TULP4: variants seen among roughly 807,000 people sequenced by gnomAD.
TULP4 encodes the protein tubby-related protein 4.
TULP4 carries 16 observed loss-of-function variants against 129.0 expected under a neutral mutation model. The observed-to-expected ratio is 0.12, with a 90% CI of 0.08 to 0.19. The LOEUF (loss-of-function observed/expected upper bound fraction) is 0.19. TULP4 is among the 10% of genes least tolerant of loss of function. The pLI, the probability that TULP4 is intolerant of heterozygous loss-of-function variation, is 1.00. For synonymous variants in TULP4, 998 were observed against 854.0 expected, an observed-to-expected ratio of 1.17 and a Z score of -2.94; for missense variants, 1,842 against 2,059.1, an observed-to-expected ratio of 0.89 and a Z score of 2.04.
At chr6:158,311,672 C>CT (rs1158504861), upstream of TULP4, among the ~76,000 whole-genome samples, 3 of 152,140 alleles carry the variant, frequency 2.0e-5, no homozygotes, top group Non-Finnish European at 4.4e-5. Flanking sequence ...TTTCAGTCTC[C>CT]TTTTTGAGGA....
At chr6:158,359,138 A>G (rs1000592715) in intron 1 of TULP4, among the ~76,000 whole-genome samples, 1 of 152,218 alleles carries the variant, frequency 6.6e-6, no homozygotes, top group East Asian at 1.9e-4. Flanking sequence ...GTGACTTTCT[A>G]TGCCAGCCAC....
At chr6:158,427,557 G>A (rs1562562133) in intron 2 of TULP4, among the ~76,000 whole-genome samples, 1 of 125,694 alleles carries the variant, frequency 8.0e-6, no homozygotes, top group African/African-American at 3.1e-5. Flanking sequence ...GCAGTGGCAT[G>A]ATCTCGTCTC....
Position 158,493,486 on chromosome 6 carries a change from C to G in TULP4, c.1632-87C>G. 1 of 1,345,192 alleles carries G rather than the reference C, an allele frequency of 7.4e-7. No individual in the cohort carries two copies. The allele number at this position is 1,345,192 out of a possible 1,614,324, so 83.3% of individuals were successfully genotyped here. ...AGAACCCAACACCCAGGCTGGCTGT[C>G]CAGAAAAAGAAAGGACTGCTGGAGT... On this transcript the variant is annotated intron_variant, in intron 9 of 13. Coordinates refer to ENST00000367097, the MANE Select transcript of TULP4 (RefSeq NM_020245.5). This position sits in a 1 kb window ranked among gnomAD's most constrained non-coding sequence, Gnocchi z 4.4.
chr6:158,237,683 T>G (rs1447238657), intron 1 of TULP4: 2 of 1,132,780 alleles, frequency 1.8e-6, no homozygotes, highest in Non-Finnish European at 2.7e-6. Flanking sequence ...CCCTTCTTTT[T>G]CTTTTTCAAA....
chr6:158,297,389 A>C (rs997005331), intron 1 of TULP4, among the ~76,000 whole-genome samples: 1 of 151,984 alleles, frequency 6.6e-6, no homozygotes, highest in African/African-American at 2.4e-5. Flanking sequence ...TCAAACACAC[A>C]TGTTTTACAA....
chr6:158,292,623 A>C (rs1425129216), intron 1 of TULP4, among the ~76,000 whole-genome samples: 1 of 152,072 alleles, frequency 6.6e-6, no homozygotes, highest in Non-Finnish European at 1.5e-5. Context: ...TCTACCATAT[A>C]ATTATTAGTG....
At chr6:158,303,355 G>A (rs559595291) in intron 1 of TULP4, among the ~76,000 whole-genome samples, 3 of 152,160 alleles carry the variant, frequency 2.0e-5, no homozygotes, top group South Asian at 4.2e-4. Context: ...ATCACATGTC[G>A]GTAGGACCGT....
rs191982639 is a variant in TULP4 at position 158,386,904 on chromosome 6, A to G, written c.253-26161A>G. On this transcript the variant is annotated intron_variant, in intron 1 of 13. Transcript: ENST00000367097. ...CTAGTACACAGTGTTAGCTGTTTCT[A>G]GAACTTTGAAAATTGTCAGAGAATT... 5.9e-5 allele frequency among the ~76,000 whole-genome samples: 9 copies of G among 152,384 alleles called. No individual in the cohort carries two copies. In the East Asian group the frequency reaches 1.3e-3, roughly 23 times the overall value.
chr6:158,394,327 A>G (rs1282514186), intron 1 of TULP4, among the ~76,000 whole-genome samples: 1 of 152,028 alleles, frequency 6.6e-6, no homozygotes, highest in Non-Finnish European at 1.5e-5. Flanking sequence ...GAAGTTCCAA[A>G]CTTTCCCACA....
rs184752423 is a variant in TULP4, at chr6:158,299,293, T to C, written n.117-12758T>C. Among the ~76,000 whole-genome samples, 804 of 152,316 alleles carry C rather than the reference T, an allele frequency of 5.3e-3. 7 individuals are homozygous for C. Among genetic ancestry groups the C allele is most frequent in the African/African-American group, 0.018 (752 of 41,574 alleles). ...CTTCTGCCAGAGGAGCAATCGTTTT[T>C]TAAATAGCCCTTTGGTGCCCAGTCT... On this transcript the variant is annotated intron_variant and non_coding_transcript_variant, in intron 1 of 1. Coordinates refer to the TULP4 transcript ENST00000432358.
Position 158,508,476 on chromosome 6 carries a change from A to G in TULP4, c.*1782A>G, listed in dbSNP as rs1401274611. ...AGAGAAATACTGACGAAGTTTTCTG[A>G]TGTGGCAAAGGATATTTCCCATCTA... is the stretch of plus-strand genomic sequence containing the variant. On this transcript the variant is annotated 3_prime_UTR_variant, in exon 14 of 14. Transcript: ENST00000367097. 1 of 152,374 alleles carries G rather than the reference A, an allele frequency of 6.6e-6. No homozygotes were observed. Among genetic ancestry groups the G allele is most frequent in the East Asian group, 1.9e-4 (1 of 5,204 alleles). The allele number at this position is 152,374 out of a possible 1,614,324, so 9.4% of individuals were successfully genotyped here. A position where few individuals can be genotyped will look rare whatever the true frequency, so the allele number is the denominator to read the frequency against.
At chr6:158,253,728 A>G (rs986127747) in intron 1 of TULP4, among the ~76,000 whole-genome samples, 5 of 152,100 alleles carry the variant, frequency 3.3e-5, no homozygotes, top group Non-Finnish European at 7.4e-5. Context: ...CCACTGCCCT[A>G]CCTTTCCATA....
At chr6:158,232,800 CCA>C (rs1777623067) in intron 1 of TULP4, among the ~76,000 whole-genome samples, 1 of 151,538 alleles carries the variant, frequency 6.6e-6, no homozygotes, top group Non-Finnish European at 1.5e-5. Context: ...CCCTGCCGGA[CCA>C]GTCTCCCCAG....
At chr6:158,366,459 G>T (rs1404698649) in intron 1 of TULP4, among the ~76,000 whole-genome samples, 1 of 152,208 alleles carries the variant, frequency 6.6e-6, no homozygotes, top group African/African-American at 2.4e-5. Flanking sequence ...TGCTGCCCCA[G>T]GGATGGGCTT....
Position 158,489,597 on chromosome 6 carries a change from A to T in TULP4, c.1496A>T (p.Tyr499Phe). 1.2e-6 allele frequency: 2 copies of T among 1,614,180 alleles called. No individual in the cohort carries two copies. The highest frequency in any genetic ancestry group is 1.7e-6 in the Non-Finnish European group (2 of 1,180,034). ...PRTDSKPDEI[Y>F]GNSLISTVID... ...GTTGGTGTTTTACCAGATGAAATCT[A>T]TGGGAACAGCTTGATTTCTACTGTG... is the stretch of plus-strand genomic sequence containing the variant. The change falls in exon 9 of 14, where the codon TAT becomes TTT. Residue 499 changes from tyrosine to phenylalanine, a missense_variant. By Grantham distance (22) the Tyr-to-Phe change is conservative (BLOSUM62 3). Coordinates refer to ENST00000367097, the MANE Select transcript of TULP4 (RefSeq NM_020245.5).
rs553707973 is a variant in TULP4, at chr6:158,357,220, A to G, written c.252+42952A>G. Among the ~76,000 whole-genome samples, 218 of 152,290 alleles carry G rather than the reference A, an allele frequency of 1.4e-3. 1 individual carries two copies. The highest frequency in any genetic ancestry group is 3.4e-3 in the Middle Eastern group (1 of 294). On this transcript the variant is annotated intron_variant, in intron 1 of 13. Coordinates refer to ENST00000367097, the MANE Select transcript of TULP4 (RefSeq NM_020245.5). ...GTGGATTTTGTGACTCTTCGAGTCAAGGTTTTATTTGTCTAGAAATGAGAG... is the reference window on the plus strand; with the variant it reads ...GTGGATTTTGTGACTCTTCGAGTCAGGGTTTTATTTGTCTAGAAATGAGAG...
intron 2 of TULP4, among the ~76,000 whole-genome samples, chr6:158,427,562 C>T (rs947985595): frequency 2.2e-5 from 3 of 137,730 alleles, no homozygotes; most frequent in Admixed American, 7.9e-5. Flanking sequence ...GGCATGATCT[C>T]GTCTCACTGC....
In TULP4 at chr6:158,506,755, C is replaced by A; in HGVS notation, c.*61C>A. The A allele has an allele frequency of 8.5e-7, 1 of 1,182,866 alleles. No individual in the cohort carries two copies. The highest frequency in any genetic ancestry group is 1.3e-6 in the Non-Finnish European group (1 of 795,008). The allele number at this position is 1,182,866 out of a possible 1,614,324, so 73.3% of individuals were successfully genotyped here. On this transcript the variant is annotated 3_prime_UTR_variant, in exon 14 of 14. Coordinates refer to ENST00000367097, the MANE Select transcript of TULP4 (RefSeq NM_020245.5). ...CCTTTGGAAGAGGTCTTCGGAGATG[C>A]CAGAGGAGCCCTCTAGGGGTCCGAT...
chr6:158,299,896 C>T (rs1779103706), intron 1 of TULP4, among the ~76,000 whole-genome samples: 1 of 152,080 alleles, frequency 6.6e-6, no homozygotes, highest in Admixed American at 6.5e-5. Flanking sequence ...AAGCGAGATC[C>T]AGTGCTAAAG....
Sources: allele counts gnomAD v4.1 joint callset (sites outside exome capture counted in the v4.1 genomes callset), GRCh38; gene constraint gnomAD v4.1.1; non-coding constraint Gnocchi (gnomAD v3.1); transcripts MANE v1.5; gene names NCBI Gene and HGNC (gene_info 2026-07-23, HGNC 2026-07-21).